Variants in CACNA2D3 observed in about 807,000 individuals in gnomAD.
CACNA2D3 encodes calcium voltage-gated channel auxiliary subunit alpha2delta 3, also known as voltage-dependent calcium channel subunit alpha-2/delta-3.
CACNA2D3 carries 60 observed loss-of-function variants against 160.6 expected under a neutral mutation model. The observed-to-expected ratio is 0.37, with a 90% CI of 0.30 to 0.46. CACNA2D3 has a LOEUF of 0.46. Ranked by LOEUF, CACNA2D3 falls within the 20% of genes least tolerant of loss-of-function variation. The pLI is 1.00. For missense variants in CACNA2D3, 1,205 were observed against 1,365.0 expected, an observed-to-expected ratio of 0.88 and a Z score of 1.85; for synonymous variants, 558 against 492.9, an observed-to-expected ratio of 1.13 and a Z score of -1.75.
chr3:54,843,474 G>A (rs1031510625), intron 16 of CACNA2D3, among the ~76,000 whole-genome samples: 4 of 152,164 alleles, frequency 2.6e-5, no homozygotes, highest in Non-Finnish European at 5.9e-5. Context: ...AAAATTGCAG[G>A]GGGATTGTTA....
chr3:54,817,781 A>G (rs142657501), intron 14 of CACNA2D3, among the ~76,000 whole-genome samples: 84 of 152,324 alleles, frequency 5.5e-4, no homozygotes, highest in African/African-American at 1.9e-3. Flanking sequence ...AGAGGCCTAG[A>G]AATCATTACA....
At chr3:54,224,512 A>G (rs573035657) in intron 2 of CACNA2D3, among the ~76,000 whole-genome samples, 1 of 152,178 alleles carries the variant, frequency 6.6e-6, no homozygotes, top group Non-Finnish European at 1.5e-5. Flanking sequence ...AACACCTGGG[A>G]CATCACTAAG....
chr3:54,811,465 CTTTTTTTTTTTTTTTTTTTTTTTTT>C (rs71096451), intron 13 of CACNA2D3, among the ~76,000 whole-genome samples: 66 of 111,586 alleles, frequency 5.9e-4, no homozygotes, highest in African/African-American at 1.9e-3. Flanking sequence ...TCCCTCAGTT[CTTTTTTTTTTTTTTTTTTTTTTTTT>C]TTTTTTTTTT....
At chr3:54,776,624 T>C (rs17054369) in intron 13 of CACNA2D3, among the ~76,000 whole-genome samples, 12,719 of 151,172 alleles carry the variant, frequency 0.084, 814 homozygotes, top group East Asian at 0.4. Context: ...TCTGAAGGAG[T>C]TGGCATTTCT....
chr3:54,784,297 G>A (rs971628975), intron 13 of CACNA2D3, among the ~76,000 whole-genome samples: 7 of 152,190 alleles, frequency 4.6e-5, no homozygotes, highest in African/African-American at 1.2e-4. Context: ...TCTGCGGCTC[G>A]TGCTGGAGGC....
At chr3:54,179,794 C>G (rs925605062) in intron 2 of CACNA2D3, among the ~76,000 whole-genome samples, 2 of 152,088 alleles carry the variant, frequency 1.3e-5, no homozygotes, top group Non-Finnish European at 2.9e-5. Context: ...AACCCGGAAG[C>G]GAGCCCTCAC....
intron 2 of CACNA2D3, among the ~76,000 whole-genome samples, chr3:54,292,528 A>G (rs1049977656): frequency 2.6e-5 from 4 of 152,338 alleles, no homozygotes; most frequent in Middle Eastern, 3.4e-3. Context: ...GAATAAACAT[A>G]TATCTTCAAA....
chr3:54,555,129 A>C (rs954492450), intron 5 of CACNA2D3, among the ~76,000 whole-genome samples: 2 of 151,536 alleles, frequency 1.3e-5, no homozygotes, highest in Non-Finnish European at 2.9e-5. Flanking sequence ...ACCCACCTTG[A>C]CCTCCCAAAG....
At chr3:54,307,816 A>G (rs548169687) in intron 2 of CACNA2D3, among the ~76,000 whole-genome samples, 1 of 152,336 alleles carries the variant, frequency 6.6e-6, no homozygotes, top group East Asian at 1.9e-4. Context: ...ATAGAATTTA[A>G]AAGACTTTAG....
intron 11 of CACNA2D3, among the ~76,000 whole-genome samples, chr3:54,656,097 A>G (rs1263292472): frequency 6.6e-6 from 1 of 152,182 alleles, no homozygotes; most frequent in African/African-American, 2.4e-5. Flanking sequence ...GGAGAAGATT[A>G]TGGTCCATGG....
chr3:54,722,169 A>G (rs614417), intron 11 of CACNA2D3, among the ~76,000 whole-genome samples: 63,216 of 151,980 alleles, frequency 0.42, 14,208 homozygotes, highest in East Asian at 0.5. Context: ...TTGGTTTTCA[A>G]TCACTGATAT....
intron 3 of CACNA2D3, among the ~76,000 whole-genome samples, chr3:54,361,404 T>C (rs919044247): frequency 2.6e-5 from 4 of 152,174 alleles, no homozygotes; most frequent in African/African-American, 9.7e-5. Context: ...AGGAAGTATC[T>C]AAGAATGACG....
chr3:54,580,319 A>C (rs1702652785), intron 8 of CACNA2D3, among the ~76,000 whole-genome samples: 1 of 151,996 alleles, frequency 6.6e-6, no homozygotes, highest in Non-Finnish European at 1.5e-5. Flanking sequence ...CTCCATGGGA[A>C]ACCTGATGCA....
chr3:54,975,079 T>C (rs2107082585), intron 29 of CACNA2D3, among the ~76,000 whole-genome samples: 1 of 152,280 alleles, frequency 6.6e-6, no homozygotes, highest in African/African-American at 2.4e-5. Context: ...ACCCCCTAAC[T>C]CCAGTGGGCT....
chr3:54,688,979 C>CAAAAAAAAAAA, intron 11 of CACNA2D3, among the ~76,000 whole-genome samples: 1 of 31,420 alleles, frequency 3.2e-5, no homozygotes, highest in Non-Finnish European at 5.6e-5. Context: ...GAGACTGTCT[C>CAAAAAAAAAAA]AAAAAAAAAA....
rs765179787 is a variant in CACNA2D3 at position 54,953,301 on chromosome 3, C to T, written c.2450-15149C>T. Among the ~76,000 whole-genome samples, 74 of 152,176 alleles carry T rather than the reference C, an allele frequency of 4.9e-4. 1 individual carries two copies. Among genetic ancestry groups the T allele is most frequent in the Admixed American group, 2.0e-4 (3 of 15,266 alleles). ...TGTACATGAAACAGGCAGGACTCAG[C>T]CCTAAGTTTGTCTGAAATTTTCAAA... is the stretch of plus-strand genomic sequence containing the variant. On this transcript the variant is annotated intron_variant, in intron 27 of 37. Transcript: ENST00000474759.
At chr3:54,600,765 A>G (rs1703045712) in intron 9 of CACNA2D3, among the ~76,000 whole-genome samples, 2 of 151,924 alleles carry the variant, frequency 1.3e-5, no homozygotes, top group African/African-American at 4.8e-5. Context: ...TGGCTTCATT[A>G]TGTGAGCGTC....
Position 55,000,863 on chromosome 3 carries a change from G to A in CACNA2D3, c.2691-3900G>A, listed in dbSNP as rs533482352. On this transcript the variant is annotated intron_variant, in intron 31 of 37. Transcript: ENST00000474759. Reference sequence around the variant, plus strand: ...CATTCCAATAAGACCCTGGGCTGGGGAACAGGTCTGAAGCCTAAGCATTTC... The same window carrying A: ...CATTCCAATAAGACCCTGGGCTGGGAAACAGGTCTGAAGCCTAAGCATTTC... Among the ~76,000 whole-genome samples, 9 of 152,252 alleles carry A rather than the reference G, an allele frequency of 5.9e-5. No individual in the cohort carries two copies. In the South Asian group the frequency reaches 1.9e-3, roughly 32 times the overall value.
chr3:54,511,619 A>T (rs1319353306), intron 5 of CACNA2D3, among the ~76,000 whole-genome samples: 1 of 152,096 alleles, frequency 6.6e-6, no homozygotes, highest in Non-Finnish European at 1.5e-5. Flanking sequence ...TTTCAAAGGA[A>T]TGGGAGTCCA....
Sources: gnomAD v4.1 joint callset for allele counts (sites outside exome capture counted in the v4.1 genomes callset) on GRCh38, gnomAD v4.1.1 for gene constraint, MANE v1.5 for transcripts, NCBI Gene and HGNC (gene_info 2026-07-23, HGNC 2026-07-21) for gene names.